The following JMY variants were observed in gnomAD, a reference collection of about 807,000 sequenced individuals.
JMY encodes the protein junction-mediating and -regulatory protein.
Under a neutral mutation model 103.3 loss-of-function variants are expected in JMY, and 46 were observed. That is an observed-to-expected ratio of 0.45 (90% CI 0.35 to 0.57). The LOEUF (loss-of-function observed/expected upper bound fraction) is 0.57. JMY is among the 20% of genes least tolerant of loss of function. The pLI is 0.00. For missense variants in JMY, 1,238 were observed against 1,255.2 expected (o/e 0.99, Z 0.21); for synonymous variants, 526 against 489.3 (o/e 1.07, Z -0.99).
intron 1 of JMY, among the ~76,000 whole-genome samples, chr5:79,267,016 A>G (rs1284009631): frequency 1.3e-5 from 2 of 152,178 alleles, no homozygotes; most frequent in Non-Finnish European, 2.9e-5. Flanking sequence ...AATAGACTTG[A>G]GTTTTTACAT....
intron 1 of JMY, among the ~76,000 whole-genome samples, chr5:79,252,939 C>T (rs1394892361): frequency 6.6e-6 from 1 of 152,054 alleles, no homozygotes; most frequent in Non-Finnish European, 1.5e-5. Context: ...TTGATAAGTA[C>T]CTTATTCCTG....
At chr5:79,277,253 G>C (rs146335763) in intron 1 of JMY, among the ~76,000 whole-genome samples, 13 of 152,258 alleles carry the variant, frequency 8.5e-5, no homozygotes, top group Non-Finnish European at 1.5e-4. Flanking sequence ...ACATGATTTT[G>C]AAGGAGGTGA....
chr5:79,295,093 A>G (rs1441412441), intron 4 of JMY, among the ~76,000 whole-genome samples: 1 of 152,138 alleles, frequency 6.6e-6, no homozygotes. Flanking sequence ...TAATTCGTCA[A>G]GTATTTATTG....
Position 79,312,305 on chromosome 5 carries a change from C to A in JMY, c.1969-98C>A, listed in dbSNP as rs994259318. 4 of 602,208 alleles carry A rather than the reference C, an allele frequency of 6.6e-6. No individual in the cohort carries two copies. The East Asian group carries it at 9.3e-5, about 14-fold the overall frequency. 37.3% of individuals were successfully genotyped at this position (602,208 alleles called of 1,614,324 possible). A position where few individuals can be genotyped will look rare whatever the true frequency, so the allele number is the denominator to read the frequency against. On this transcript the variant is annotated intron_variant, in intron 7 of 10. Coordinates refer to ENST00000396137, the MANE Select transcript of JMY (RefSeq NM_152405.5). ...AAAAAAATTTTGTTCAGTGAATCAT[C>A]CCCTTTGGCCCACATTAGGATAACT...
intron 7 of JMY, 116 bp from the exon 8 acceptor site, chr5:79,312,287 T>A (rs1156336236): frequency 4.1e-6 from 2 of 492,070 alleles, no homozygotes; most frequent in East Asian, 3.3e-5. Context: ...CAAAAAAAAA[T>A]TTTGTTCAGT....
rs1405412766 is a variant in JMY at position 79,326,037 on chromosome 5, T to C, written c.*4435T>C. 2 of 152,172 alleles carry C rather than the reference T, an allele frequency of 1.3e-5. No individual in the cohort carries two copies. The highest frequency in any genetic ancestry group is 1.9e-4 in the East Asian group (1 of 5,198). 9.4% of individuals were successfully genotyped at this position (152,172 alleles called of 1,614,324 possible). A position where few individuals can be genotyped will look rare whatever the true frequency, so the allele number is the denominator to read the frequency against. ...TTGAATTCCAAATTTATACTGTCTCTTCCCTTCTGCAGAGACATTATGCCA... is the reference window on the plus strand; with the variant it reads ...TTGAATTCCAAATTTATACTGTCTCCTCCCTTCTGCAGAGACATTATGCCA... On this transcript the variant is annotated 3_prime_UTR_variant, in exon 11 of 11. Coordinates refer to ENST00000396137, the MANE Select transcript of JMY (RefSeq NM_152405.5).
intron 1 of JMY, among the ~76,000 whole-genome samples, chr5:79,250,592 A>G (rs1029191385): frequency 4.8e-4 from 72 of 151,280 alleles, no homozygotes; most frequent in Non-Finnish European, 7.1e-4. Flanking sequence ...TCCTTCAACA[A>G]TTGTTTATTT....
At chr5:79,252,271 A>G (rs1036074724) in intron 1 of JMY, among the ~76,000 whole-genome samples, 1 of 150,120 alleles carries the variant, frequency 6.7e-6, no homozygotes, top group Non-Finnish European at 1.5e-5. Flanking sequence ...TATAGTTTCC[A>G]TAATTCCTCT....
intron 1 of JMY, among the ~76,000 whole-genome samples, chr5:79,251,549 A>G (rs1745083811): frequency 1.3e-5 from 2 of 152,048 alleles, no homozygotes; most frequent in African/African-American, 4.8e-5. Flanking sequence ...TTTGCAAACA[A>G]TCCAATTACA....
Position 79,237,137 on chromosome 5 carries a change from G to A in JMY, c.487G>A (p.Ala163Thr). The A allele has an allele frequency of 1.3e-6, 2 of 1,547,858 alleles. No individual in the cohort carries two copies. The highest frequency in any genetic ancestry group is 4.9e-5 in the East Asian group (2 of 40,830). ...ATCTGAAGCCGACGATGCGGCGGGG[G>A]CAGCCGCTGCAGCAGCCCGGCCGGC... The part of the protein sequence containing the change: ...KTSEADDAAG[A>T]AAAAARPAPR... The change falls in exon 1 of 11, where the codon GCA becomes ACA. Residue 163 changes from alanine to threonine, a missense_variant. Transcript: ENST00000396137.
chr5:79,293,446 C>T (rs1179816421), intron 4 of JMY, among the ~76,000 whole-genome samples: 1 of 150,388 alleles, frequency 6.6e-6, no homozygotes, highest in Admixed American at 6.6e-5. Context: ...AAAATAGAGA[C>T]AGAGTCTTGC....
intron 4 of JMY, among the ~76,000 whole-genome samples, chr5:79,294,772 A>C (rs1580360970): frequency 6.6e-6 from 1 of 151,716 alleles, no homozygotes; most frequent in Admixed American, 6.6e-5. Context: ...GCAGGAGAAT[A>C]GCTTGAACTC....
intron 9 of JMY, among the ~76,000 whole-genome samples, chr5:79,315,166 TACTC>T (rs1368872005): frequency 1.4e-4 from 21 of 152,192 alleles, no homozygotes; most frequent in African/African-American, 4.3e-4. Flanking sequence ...TTTAAAAAAA[TACTC>T]ATATCAGAAA....
intron 2 of JMY, among the ~76,000 whole-genome samples, chr5:79,282,227 G>T (rs1463785327): frequency 6.6e-6 from 1 of 151,816 alleles, no homozygotes; most frequent in Non-Finnish European, 1.5e-5. Context: ...AAAAAAATAA[G>T]AAATTCTAGA....
rs1482319585 is a variant in JMY, at chr5:79,291,255, A to G, written c.1483A>G (p.Lys495Glu). Residue 495 changes from lysine (K) to glutamate (E), a missense_variant, in exon 4 of 11, where the codon AAA becomes GAA. Transcript: ENST00000396137. ...SKETLQMMRA[K>E]EICLEQRKHA... is the part of the protein sequence containing the mutation. ...GGAAACTTTGCAGATGATGAGAGCT[A>G]AAGAGATATGCTTGGAACAGCGGAA... 1.2e-6 allele frequency: 2 copies of G among 1,612,262 alleles called. No homozygotes were observed. Among genetic ancestry groups the G allele is most frequent in the Middle Eastern group, 1.7e-4 (1 of 6,054 alleles).
intron 1 of JMY, among the ~76,000 whole-genome samples, chr5:79,260,181 A>C (rs1745379706): frequency 6.6e-6 from 1 of 152,260 alleles, no homozygotes; most frequent in Non-Finnish European, 1.5e-5. Context: ...CCCTTCAGCC[A>C]GGTGCTCACA....
At chr5:79,253,129 C>T (rs936431636) in intron 1 of JMY, among the ~76,000 whole-genome samples, 1 of 152,118 alleles carries the variant, frequency 6.6e-6, no homozygotes, top group Admixed American at 6.6e-5. Context: ...AATACTATCT[C>T]ATGACCCAGT....
At chr5:79,317,584 A>G (rs912238025) in intron 10 of JMY, among the ~76,000 whole-genome samples, 9 of 151,874 alleles carry the variant, frequency 5.9e-5, no homozygotes, top group Middle Eastern at 3.4e-3. Context: ...TCTTGATGGA[A>G]TATGTTTCTC....
intron 10 of JMY, among the ~76,000 whole-genome samples, chr5:79,320,271 C>T (rs889095173): frequency 2.0e-5 from 3 of 151,284 alleles, no homozygotes; most frequent in Non-Finnish European, 4.4e-5. Context: ...GTCCCAGCTA[C>T]TTGGGAGGCT....
Sources: gnomAD v4.1 joint callset for allele counts (sites outside exome capture counted in the v4.1 genomes callset) on GRCh38, gnomAD v4.1.1 for gene constraint, MANE v1.5 for transcripts, NCBI Gene and HGNC (gene_info 2026-07-23, HGNC 2026-07-21) for gene names.